DNALI1: variants seen among roughly 807,000 people sequenced by gnomAD.
The protein encoded by DNALI1 is axonemal dynein light intermediate polypeptide 1.
DNALI1 carries 31 observed loss-of-function variants against 33.9 expected under a neutral mutation model. The ratio of observed to expected loss-of-function variants is 0.91; its 90% CI spans 0.69 to 1.23. DNALI1 has a LOEUF of 1.23. DNALI1 is among the 50% of genes most tolerant of loss of function. DNALI1 has a pLI of 0.00. For synonymous variants in DNALI1, 117 were observed against 129.2 expected, an observed-to-expected ratio of 0.91 and a Z score of 0.64; for missense variants, 305 against 323.8, an observed-to-expected ratio of 0.94 and a Z score of 0.44.
rs1320938337 is a variant in DNALI1 at position 37,559,366 on chromosome 1, G to A, written c.267G>A (p.Val89=). 1 of 1,611,524 alleles carries A rather than the reference G, an allele frequency of 6.2e-7. No individual in the cohort carries two copies. Among genetic ancestry groups the A allele is most frequent in the African/African-American group, 1.3e-5 (1 of 74,848 alleles). The stretch of plus-strand genomic sequence containing the variant: ...ACACGCAGCTATGGATCCAGCAGGT[G>A]TCCAGCACCCCTAGCACCAGGATGG... ...VEDTQLWIQQ[V]SSTPSTRMDV... The change falls in exon 3 of 6, where the codon GTG becomes GTA. Residue 89 remains valine, a synonymous_variant. Transcript: ENST00000652629. This position sits in a 1 kb window ranked among gnomAD's most constrained non-coding sequence, Gnocchi z 5.3.
rs1643497466 is a variant in DNALI1 at position 37,566,139 on chromosome 1, T to G, written c.*1078T>G. 6.6e-6 allele frequency: 1 copy of G among 152,308 alleles called. No homozygotes were observed. The highest frequency in any genetic ancestry group is 2.4e-5 in the African/African-American group (1 of 41,474). 9.4% of individuals were successfully genotyped at this position (152,308 alleles called of 1,614,324 possible). On this transcript the variant is annotated 3_prime_UTR_variant, in exon 6 of 6. Transcript: ENST00000652629. ...CACCTGCCATCCGTCTTGGGTTCAG[T>G]GAGCTTCAAGGCTCACAATGGAAGC...
At position 37,559,394 on chromosome 1, in the gene DNALI1, G is replaced by A. The variant is rs371787117; in HGVS notation, c.295G>A (p.Val99Met). ...VSSTPSTRMD[V>M]VHLQEQLDLK... is the part of the protein sequence containing the mutation. ...CAGCACCCCTAGCACCAGGATGGAC[G>A]TGGTGCACCTCCAGGAGCAGTTAGA... is the stretch of plus-strand genomic sequence containing the variant. Residue 99 changes from valine to methionine, a missense_variant, in exon 3 of 6, where the codon GTG becomes ATG. Coordinates refer to ENST00000652629, the MANE Select transcript of DNALI1 (RefSeq NM_003462.5). The surrounding 1 kb of genome is among the most constrained non-coding windows in gnomAD (Gnocchi z 5.3). The A allele has an allele frequency of 1.2e-5, 19 of 1,613,038 alleles. No homozygotes were observed. The highest frequency in any genetic ancestry group is 1.1e-4 in the African/African-American group (8 of 74,892).
chr1:37,564,218 A>C (rs1347887763), intron 5 of DNALI1, among the ~76,000 whole-genome samples: 1 of 151,722 alleles, frequency 6.6e-6, no homozygotes, highest in East Asian at 1.9e-4. Context: ...GGGTGACAAG[A>C]GCAAAACTCC....
chr1:37,559,910 G>A lies in DNALI1; in HGVS notation c.397+414G>A, dbSNP rs1211826656. Among the ~76,000 whole-genome samples, 1 of 152,150 alleles carries A rather than the reference G, an allele frequency of 6.6e-6. No individual in the cohort carries two copies. The highest frequency in any genetic ancestry group is 1.5e-5 in the Non-Finnish European group (1 of 68,024). ...TGTGGCAGGAGAGCAGGGTGATAGT[G>A]GGGAGAAGATCAGCAAGAAAACACG... On this transcript the variant is annotated intron_variant, in intron 3 of 5. Coordinates refer to ENST00000652629, the MANE Select transcript of DNALI1 (RefSeq NM_003462.5). The surrounding 1 kb of genome is among the most constrained non-coding windows in gnomAD (Gnocchi z 5.3).
At position 37,565,326 on chromosome 1, in the gene DNALI1, T is replaced by G; in HGVS notation, c.*265T>G. The G allele has an allele frequency of 2.0e-6, 1 of 503,842 alleles. No homozygotes were observed. The highest frequency in any genetic ancestry group is 3.6e-6 in the Non-Finnish European group (1 of 281,518). 31.2% of individuals were successfully genotyped at this position (503,842 alleles called of 1,614,324 possible). Reference sequence around the variant, plus strand: ...GGCCCTGTTAGTCTCCGTGTGTGGCTTACTAGCCAGCCTTGGGAACTGCCA... The same window carrying G: ...GGCCCTGTTAGTCTCCGTGTGTGGCGTACTAGCCAGCCTTGGGAACTGCCA... On this transcript the variant is annotated 3_prime_UTR_variant, in exon 6 of 6. Coordinates refer to ENST00000652629, the MANE Select transcript of DNALI1 (RefSeq NM_003462.5).
In DNALI1 at chr1:37,556,969, G is replaced by A. The variant is rs1347241536; in HGVS notation, c.-26G>A. On this transcript the variant is annotated 5_prime_UTR_variant, in exon 1 of 6. Transcript: ENST00000652629. The stretch of plus-strand genomic sequence containing the variant: ...AAGGCCCACACTGGACAGGGCAGCT[G>A]CTGGGTTGCTACTCTCGCCTCCGCC... 1.3e-5 allele frequency: 21 copies of A among 1,614,260 alleles called. No homozygotes were observed. Among genetic ancestry groups the A allele is most frequent in the Non-Finnish European group, 1.4e-5 (17 of 1,180,052 alleles).
chr1:37,561,694 G>T lies in DNALI1; in HGVS notation c.535G>T (p.Ala179Ser). 6.2e-7 allele frequency: 1 copy of T among 1,614,144 alleles called. No homozygotes were observed. Among genetic ancestry groups the T allele is most frequent in the Non-Finnish European group, 8.5e-7 (1 of 1,179,996 alleles). The change falls in exon 4 of 6, where the codon GCA becomes TCA. Residue 179 changes from alanine (A) to serine (S), a missense_variant. Ala to Ser is a moderately conservative substitution (Grantham distance 99). Transcript: ENST00000652629. This position sits in a 1 kb window ranked among gnomAD's most constrained non-coding sequence, Gnocchi z 4.6. ...ESSVAFGMRK[A>S]LQAEQGKSDM... ...CAGCGTGGCGTTTGGCATGAGGAAG[G>T]CACTGCAGGCTGAGCAGGGGAAGTC... is the stretch of plus-strand genomic sequence containing the variant.
chr1:37,562,128 C>T lies in DNALI1; in HGVS notation c.624C>T (p.Asn208=), dbSNP rs1168181873. The T allele has an allele frequency of 1.1e-5, 17 of 1,613,910 alleles. No individual in the cohort carries two copies. The highest frequency in any genetic ancestry group is 1.6e-4 in the Middle Eastern group (1 of 6,072). Residue 208 remains asparagine, a synonymous_variant, in exon 5 of 6, where the codon AAC becomes AAT. Coordinates refer to ENST00000652629, the MANE Select transcript of DNALI1 (RefSeq NM_003462.5). This position sits in a 1 kb window ranked among gnomAD's most constrained non-coding sequence, Gnocchi z 5.8. ...AGAGAGACCTGGAGAGGCAAGTGAA[C>T]GAGCAGAAGGCAAAATGTGAAGCCA... ...TEKRDLERQV[N]EQKAKCEATE...
In DNALI1 at chr1:37,566,561, C is replaced by T. The variant is rs1643503819; in HGVS notation, c.*1500C>T. On this transcript the variant is annotated 3_prime_UTR_variant, in exon 6 of 6. Transcript: ENST00000652629. ...TTCATTACCAATAAAAACGAAATAC[C>T]ACCCTTTCCATTTTATAGACCTCAT... The T allele has an allele frequency of 3.2e-6, 1 of 317,170 alleles. No homozygotes were observed. Among genetic ancestry groups the T allele is most frequent in the Non-Finnish European group, 5.7e-6 (1 of 174,964 alleles). 19.6% of individuals were successfully genotyped at this position (317,170 alleles called of 1,614,324 possible).
At position 37,561,682 on chromosome 1, in the gene DNALI1, G is replaced by A. The variant is rs139139227; in HGVS notation, c.523G>A (p.Gly175Ser). ...CCTGTACGAGAGCAGCGTGGCGTTT[G>A]GCATGAGGAAGGCACTGCAGGCTGA... ...QTLYESSVAF[G>S]MRKALQAEQG... The change falls in exon 4 of 6, where the codon GGC becomes AGC. Residue 175 changes from glycine to serine, a missense_variant. Transcript: ENST00000652629. The surrounding 1 kb of genome is among the most constrained non-coding windows in gnomAD (Gnocchi z 4.6). The A allele has an allele frequency of 1.2e-4, 189 of 1,614,042 alleles. 1 individual carries two copies. The highest frequency in any genetic ancestry group is 1.4e-4 in the Non-Finnish European group (171 of 1,180,028).
In DNALI1 at chr1:37,559,003, T is replaced by C. The variant is rs1352630294; in HGVS notation, c.228-324T>C. Among the ~76,000 whole-genome samples, 1 of 152,224 alleles carries C rather than the reference T, an allele frequency of 6.6e-6. No homozygotes were observed. The highest frequency in any genetic ancestry group is 1.5e-5 in the Non-Finnish European group (1 of 68,044). ...ACCCCGTAAGTTGGTGGGTAGTTCC[T>C]ACTGTTCACATCAAGCAACAACCAT... On this transcript the variant is annotated intron_variant, in intron 2 of 5. Transcript: ENST00000652629. This position sits in a 1 kb window ranked among gnomAD's most constrained non-coding sequence, Gnocchi z 5.3.
chr1:37,561,267 G>T lies in DNALI1; in HGVS notation c.398-290G>T. The T allele has an allele frequency of 2.8e-6, 1 of 355,922 alleles. No individual in the cohort carries two copies. The highest frequency in any genetic ancestry group is 7.9e-5 in the South Asian group (1 of 12,706). The allele number at this position is 355,922 out of a possible 1,614,324, so 22.0% of individuals were successfully genotyped here. The stretch of plus-strand genomic sequence containing the variant: ...GTTTTTACCTAAGGCAGGAAGGGAG[G>T]GGACCCAGTGCTGTAAACAAACCAG... On this transcript the variant is annotated intron_variant, in intron 3 of 5. Coordinates refer to ENST00000652629, the MANE Select transcript of DNALI1 (RefSeq NM_003462.5). This position sits in a 1 kb window ranked among gnomAD's most constrained non-coding sequence, Gnocchi z 4.6.
chr1:37,560,123 G>A (rs1643420643), intron 3 of DNALI1, among the ~76,000 whole-genome samples: 1 of 152,200 alleles, frequency 6.6e-6, no homozygotes. Flanking sequence ...CAGAACAAAC[G>A]TACAATCAGG....
In DNALI1 at chr1:37,556,953, A is replaced by G. The variant is rs780088232; in HGVS notation, c.-42A>G. 1 of 1,614,208 alleles carries G rather than the reference A, an allele frequency of 6.2e-7. No individual in the cohort carries two copies. Among genetic ancestry groups the G allele is most frequent in the Non-Finnish European group, 8.5e-7 (1 of 1,180,030 alleles). ...CATGGTGACGGCAAACAAGGCCCAC[A>G]CTGGACAGGGCAGCTGCTGGGTTGC... On this transcript the variant is annotated 5_prime_UTR_variant, in exon 1 of 6. Transcript: ENST00000652629.
rs1643507461 is a variant in DNALI1 at position 37,566,768 on chromosome 1, AGGGCCTTAGAAATGTCAATG to A, written c.*1712_*1731del. On this transcript the variant is annotated 3_prime_UTR_variant, in exon 6 of 6. Transcript: ENST00000652629. ...TGTCAAACCTCAGAACAAATGCATTAGGGCCTTAGAAATGTCAATGGGGCAGGAAGAAAACACAATTTCTA... is the reference window on the plus strand; with the variant it reads ...TGTCAAACCTCAGAACAAATGCATTAGGGCAGGAAGAAAACACAATTTCTA... 2 of 1,225,388 alleles carry A rather than the reference AGGGCCTTAGAAATGTCAATG, an allele frequency of 1.6e-6. No individual in the cohort carries two copies. The highest frequency in any genetic ancestry group is 1.2e-6 in the Non-Finnish European group (1 of 846,684). 75.9% of individuals were successfully genotyped at this position (1,225,388 alleles called of 1,614,324 possible).
chr1:37,562,170 CGA>C lies in DNALI1; in HGVS notation c.670_671del (p.Arg224AlafsTer10). 7.4e-6 allele frequency: 12 copies of C among 1,613,906 alleles called. No homozygotes were observed. The highest frequency in any genetic ancestry group is 9.3e-6 in the Non-Finnish European group (11 of 1,179,958). ...KCEATEKRES[E>X]RRQVEEKKHN... ...GTGAAGCCACTGAGAAGCGGGAGAG[CGA>C]GAGGCGGCAGGTGGAGGAGAAGAAG... is the stretch of plus-strand genomic sequence containing the variant. On this transcript the variant is annotated frameshift_variant, in exon 5 of 6. Coordinates refer to ENST00000652629, the MANE Select transcript of DNALI1 (RefSeq NM_003462.5). LOFTEE classifies it high-confidence loss of function. This position sits in a 1 kb window ranked among gnomAD's most constrained non-coding sequence, Gnocchi z 5.8.
At position 37,561,372 on chromosome 1, in the gene DNALI1, T is replaced by A. The variant is rs1444625957; in HGVS notation, c.398-185T>A. The A allele has an allele frequency of 4.5e-6, 3 of 661,226 alleles. No homozygotes were observed. The East Asian group carries it at 8.3e-5, about 18-fold the overall frequency. 41.0% of individuals were successfully genotyped at this position (661,226 alleles called of 1,614,324 possible). A position where few individuals can be genotyped will look rare whatever the true frequency, so the allele number is the denominator to read the frequency against. On this transcript the variant is annotated intron_variant, in intron 3 of 5. Transcript: ENST00000652629. This position sits in a 1 kb window ranked among gnomAD's most constrained non-coding sequence, Gnocchi z 4.6. Reference sequence around the variant, plus strand: ...CAAGTGCCAAGTTCAGAGGAGTGACTGCATGGCAAGGCTCTTTGGGCCACT... The same window carrying A: ...CAAGTGCCAAGTTCAGAGGAGTGACAGCATGGCAAGGCTCTTTGGGCCACT...
chr1:37,558,138 C>T (rs1173426118), intron 2 of DNALI1: 3 of 173,564 alleles, frequency 1.7e-5, no homozygotes, highest in African/African-American at 7.2e-5. Flanking sequence ...TCTTCCTTCC[C>T]CAATCTGCTC....
chr1:37,559,400 C>G lies in DNALI1; in HGVS notation c.301C>G (p.His101Asp). The G allele has an allele frequency of 6.2e-7, 1 of 1,613,176 alleles. No homozygotes were observed. Among genetic ancestry groups the G allele is most frequent in the Non-Finnish European group, 8.5e-7 (1 of 1,179,850 alleles). ...CCCTAGCACCAGGATGGACGTGGTG[C>G]ACCTCCAGGAGCAGTTAGACTTAAA... ...STPSTRMDVV[H>D]LQEQLDLKLQ... Residue 101 changes from histidine to aspartate, a missense_variant, in exon 3 of 6, where the codon CAC becomes GAC. Coordinates refer to ENST00000652629, the MANE Select transcript of DNALI1 (RefSeq NM_003462.5). This position sits in a 1 kb window ranked among gnomAD's most constrained non-coding sequence, Gnocchi z 5.3.
Sources: gnomAD v4.1 joint callset for allele counts (sites outside exome capture counted in the v4.1 genomes callset) on GRCh38, gnomAD v4.1.1 for gene constraint, Gnocchi (gnomAD v3.1) non-coding constraint, MANE v1.5 for transcripts, NCBI Gene and HGNC (gene_info 2026-07-23, HGNC 2026-07-21) for gene names.